Variants in TTC23 observed in about 807,000 individuals in gnomAD.
TTC23 encodes the protein tetratricopeptide repeat domain 23.
In TTC23, 58 loss-of-function variants were observed where a neutral mutation model predicts 55.1. The ratio of observed to expected loss-of-function variants is 1.05; its 90% CI spans 0.85 to 1.31. The LOEUF (loss-of-function observed/expected upper bound fraction) is 1.31. Ranked by LOEUF, TTC23 falls within the 50% of genes most tolerant of loss-of-function variation. The pLI, the probability that TTC23 is intolerant of heterozygous loss-of-function variation, is 0.00. For missense variants in TTC23, 516 were observed against 534.4 expected (o/e 0.97, Z 0.34); for synonymous variants, 203 against 199.9 (o/e 1.02, Z -0.13).
chr15:99,170,717 T>C (rs1057435310), intron 10 of TTC23, among the ~76,000 whole-genome samples: 4 of 152,236 alleles, frequency 2.6e-5, no homozygotes, highest in Non-Finnish European at 5.9e-5. Flanking sequence ...AGTAGATTTC[T>C]TTCATTCCTG....
At chr15:99,242,076 G>C (rs2079853051) in intron 2 of TTC23, among the ~76,000 whole-genome samples, 1 of 150,748 alleles carries the variant, frequency 6.6e-6, no homozygotes, top group Non-Finnish European at 1.5e-5. Flanking sequence ...AGGCTACAGT[G>C]AGCTGAGATC....
At chr15:99,207,900 A>G (rs2076751788) in intron 8 of TTC23, among the ~76,000 whole-genome samples, 1 of 152,216 alleles carries the variant, frequency 6.6e-6, no homozygotes, top group South Asian at 2.1e-4. Context: ...GCGTTTGGTA[A>G]ATCCAGTAAA....
At chr15:99,143,639 T>C (rs1402118057) in intron 12 of TTC23, among the ~76,000 whole-genome samples, 1 of 152,252 alleles carries the variant, frequency 6.6e-6, no homozygotes, top group Non-Finnish European at 1.5e-5. Flanking sequence ...ATTCATTACA[T>C]TGCTCTTATT....
chr15:99,139,150 A>T, intron 13 of TTC23, 167 bp downstream of exon 13: 1 of 805,874 alleles, frequency 1.2e-6, no homozygotes, highest in South Asian at 1.5e-5. Context: ...GGCAAGGAAG[A>T]TCTTTTACAA....
intron 11 of TTC23, chr15:99,160,771 T>C (rs1467871905): frequency 1.3e-5 from 2 of 152,044 alleles, no homozygotes; most frequent in African/African-American, 4.8e-5. Context: ...TCCCAGCACT[T>C]TGGGAGGCTG....
intron 7 of TTC23, 78 bp from the exon 8 acceptor site, chr15:99,218,791 T>TTCCAATCACACTTCCTAAGTCA: frequency 1.2e-6 from 2 of 1,603,250 alleles, no homozygotes; most frequent in Non-Finnish European, 8.5e-7. Flanking sequence ...GCTCCCATAC[T>TTCCAATCACACTTCCTAAGTCA]TCCAATCACA....
chr15:99,150,759 C>T (rs1555496457), intron 12 of TTC23, among the ~76,000 whole-genome samples: 1 of 152,198 alleles, frequency 6.6e-6, no homozygotes, highest in Non-Finnish European at 1.5e-5. Flanking sequence ...TGCATTTGGC[C>T]TGTGGGCCAT....
intron 9 of TTC23, among the ~76,000 whole-genome samples, chr15:99,192,315 C>T (rs1339870947): frequency 6.6e-6 from 1 of 152,118 alleles, no homozygotes. Flanking sequence ...ATGTCAGAGA[C>T]CTTTGCACAG....
At chr15:99,218,869 A>T in intron 7 of TTC23, 29 bp downstream of exon 7, 1 of 1,604,118 alleles carries the variant, frequency 6.2e-7, no homozygotes, top group Admixed American at 1.7e-5. Flanking sequence ...TAGTATTTCT[A>T]TTTGTAAAAG....
intron 8 of TTC23, among the ~76,000 whole-genome samples, chr15:99,217,272 C>T (rs1038019682): frequency 2.6e-5 from 4 of 151,996 alleles, no homozygotes; most frequent in Non-Finnish European, 5.9e-5. Context: ...TTTCTCCTGC[C>T]TCAGCCTCCT....
chr15:99,187,324 C>T (rs1299775683), intron 9 of TTC23, among the ~76,000 whole-genome samples: 1 of 151,092 alleles, frequency 6.6e-6, no homozygotes, highest in Non-Finnish European at 1.5e-5. Flanking sequence ...AAAATTAACT[C>T]AAAATGAATC....
At chr15:99,248,570 GAAT>G (rs796071716) in intron 1 of TTC23, among the ~76,000 whole-genome samples, 2 of 152,256 alleles carry the variant, frequency 1.3e-5, no homozygotes, top group African/African-American at 4.8e-5. Context: ...AGCCTTCTCT[GAAT>G]AATTCATCTC....
At chr15:99,166,197 G>C (rs759451062) in intron 10 of TTC23, among the ~76,000 whole-genome samples, 2 of 152,158 alleles carry the variant, frequency 1.3e-5, no homozygotes, top group Non-Finnish European at 2.9e-5. Flanking sequence ...GGTAGGAGCC[G>C]ATCTCCCTGG....
chr15:99,225,016 A>T (rs937823440), intron 5 of TTC23, among the ~76,000 whole-genome samples: 1 of 152,230 alleles, frequency 6.6e-6, no homozygotes, highest in Non-Finnish European at 1.5e-5. Flanking sequence ...TATGAAAGAC[A>T]CGGAAATGAT....
chr15:99,167,827 C>T (rs1050299930), intron 10 of TTC23, among the ~76,000 whole-genome samples: 2 of 152,176 alleles, frequency 1.3e-5, no homozygotes, highest in Non-Finnish European at 2.9e-5. Flanking sequence ...TACAATGTGA[C>T]GATTGTCTTT....
At chr15:99,210,627 AAG>A (rs944039305) in intron 8 of TTC23, among the ~76,000 whole-genome samples, 3 of 152,202 alleles carry the variant, frequency 2.0e-5, no homozygotes, top group Non-Finnish European at 2.9e-5. Context: ...TTATGTCCAA[AAG>A]AGAGAAGCAG....
At chr15:99,181,851 G>C (rs1377087678) in intron 9 of TTC23, among the ~76,000 whole-genome samples, 3 of 152,156 alleles carry the variant, frequency 2.0e-5, no homozygotes, top group Non-Finnish European at 2.9e-5. Flanking sequence ...TGAGTTCTGA[G>C]GGCCCTGGAC....
chr15:99,182,246 T>TCA (rs757303435), intron 9 of TTC23, among the ~76,000 whole-genome samples: 10,292 of 111,636 alleles, frequency 0.092, 394 homozygotes, highest in Admixed American at 0.14. Flanking sequence ...TCTCTCTCTC[T>TCA]CTCACACACA....
rs147914569 is a variant in TTC23 at position 99,189,354 on chromosome 15, C to T, written c.759+10565G>A. On this transcript the variant is annotated intron_variant, in intron 9 of 13. Coordinates refer to ENST00000394132, the MANE Select transcript of TTC23 (RefSeq NM_001288615.3). ...TATTTTACAACCATCACAGTTATGA[C>T]TGGTTCAGGAAAGATTCATCAATAG... 9.8e-4 allele frequency among the ~76,000 whole-genome samples: 149 copies of T among 152,198 alleles called. 1 individual carries two copies. Among genetic ancestry groups the T allele is most frequent in the Admixed American group, 2.6e-3 (40 of 15,294 alleles).
Sources: gnomAD v4.1 joint callset for allele counts (sites outside exome capture counted in the v4.1 genomes callset) on GRCh38, gnomAD v4.1.1 for gene constraint, MANE v1.5 for transcripts, NCBI Gene and HGNC (gene_info 2026-07-23, HGNC 2026-07-21) for gene names.